The following SPAG16 variants were observed in gnomAD, a reference collection of about 807,000 sequenced individuals.
The protein encoded by SPAG16 is sperm associated antigen 16, also known as sperm-associated antigen 16 protein.
In SPAG16, 86 loss-of-function variants were observed where a neutral mutation model predicts 80.4. The ratio of observed to expected loss-of-function variants is 1.07; its 90% CI spans 0.90 to 1.28. SPAG16 has a LOEUF of 1.28. Among genes scored for constraint, SPAG16 ranks in the 50% most tolerant of loss-of-function variants. The pLI is 0.00. For synonymous variants in SPAG16, 294 were observed against 265.9 expected, an observed-to-expected ratio of 1.11 and a Z score of -1.03; for missense variants, 870 against 765.3, an observed-to-expected ratio of 1.14 and a Z score of -1.61.
At chr2:214,278,054 T>C (rs1576660963) in intron 15 of SPAG16, among the ~76,000 whole-genome samples, 1 of 152,068 alleles carries the variant, frequency 6.6e-6, no homozygotes, top group South Asian at 2.1e-4. Flanking sequence ...GCCTCGCAGG[T>C]CGCAGGTCAA....
intron 10 of SPAG16, among the ~76,000 whole-genome samples, chr2:213,628,214 C>T (rs1458559545): frequency 6.6e-6 from 1 of 152,184 alleles, no homozygotes; most frequent in Non-Finnish European, 1.5e-5. Flanking sequence ...AACTAGATTT[C>T]CAGCCTTTTC....
chr2:213,788,018 G>A (rs1375868185), intron 10 of SPAG16, among the ~76,000 whole-genome samples: 2 of 151,918 alleles, frequency 1.3e-5, no homozygotes, highest in Non-Finnish European at 2.9e-5. Context: ...GTTGTTGATA[G>A]GACAATTGGC....
chr2:214,199,101 A>G (rs11677145), intron 15 of SPAG16, among the ~76,000 whole-genome samples: 45,853 of 151,800 alleles, frequency 0.3, 8,610 homozygotes, highest in Non-Finnish European at 0.42. Context: ...AGGCTTTTTC[A>G]TTTAATTAGG....
chr2:213,647,772 C>A (rs1472766151), intron 10 of SPAG16, among the ~76,000 whole-genome samples: 1 of 152,182 alleles, frequency 6.6e-6, no homozygotes, highest in Non-Finnish European at 1.5e-5. Context: ...AAACCATGGA[C>A]CCTATATCAC....
At chr2:213,577,688 A>T (rs1315097692) in intron 10 of SPAG16, among the ~76,000 whole-genome samples, 1 of 152,122 alleles carries the variant, frequency 6.6e-6, no homozygotes, top group Non-Finnish European at 1.5e-5. Context: ...TTTACCAAGC[A>T]TACTTTATCT....
intron 11 of SPAG16, among the ~76,000 whole-genome samples, chr2:213,882,979 C>A (rs1245987612): frequency 6.6e-6 from 1 of 152,068 alleles, no homozygotes; most frequent in Non-Finnish European, 1.5e-5. Context: ...CCATTCTCCT[C>A]CTCAGCCTCC....
At chr2:213,793,542 G>A (rs1249848563) in intron 10 of SPAG16, among the ~76,000 whole-genome samples, 1 of 152,178 alleles carries the variant, frequency 6.6e-6, no homozygotes, top group African/African-American at 2.4e-5. Flanking sequence ...TTGTTTCTAT[G>A]TGACAACTTT....
chr2:214,068,019 A>G (rs1038734567), intron 13 of SPAG16, among the ~76,000 whole-genome samples: 1 of 152,176 alleles, frequency 6.6e-6, no homozygotes, highest in African/African-American at 2.4e-5. Flanking sequence ...CACTGCATCT[A>G]TATGGAAGCC....
chr2:213,768,926 G>T (rs1385734469), intron 10 of SPAG16, among the ~76,000 whole-genome samples: 3 of 152,126 alleles, frequency 2.0e-5, no homozygotes, highest in Non-Finnish European at 4.4e-5. Flanking sequence ...ATAACATAGA[G>T]AATCCATAAG....
At chr2:213,845,831 G>A (rs529416964) in intron 10 of SPAG16, among the ~76,000 whole-genome samples, 1 of 152,298 alleles carries the variant, frequency 6.6e-6, no homozygotes, top group South Asian at 2.1e-4. Context: ...ACTCAGATGT[G>A]TGGATCAGCT....
intron 12 of SPAG16, among the ~76,000 whole-genome samples, chr2:213,974,349 T>C (rs1032561754): frequency 6.6e-6 from 1 of 152,090 alleles, no homozygotes; most frequent in Non-Finnish European, 1.5e-5. Context: ...ATAAATGTGA[T>C]TATATTAAGA....
At chr2:213,930,239 C>A in intron 12 of SPAG16, 94 bp downstream of exon 12, 1 of 857,936 alleles carries the variant, frequency 1.2e-6, no homozygotes, top group Non-Finnish European at 1.7e-6. Flanking sequence ...TTGATGCTAC[C>A]CCAGGGAAAC....
intron 13 of SPAG16, among the ~76,000 whole-genome samples, chr2:214,031,545 T>C (rs1036637229): frequency 2.8e-5 from 4 of 141,630 alleles, no homozygotes; most frequent in African/African-American, 1.1e-4. Context: ...TGTATACATA[T>C]GTAACTAACC....
chr2:214,331,173 T>C (rs575956303), intron 15 of SPAG16, among the ~76,000 whole-genome samples: 13 of 152,248 alleles, frequency 8.5e-5, no homozygotes, highest in African/African-American at 2.6e-4. Flanking sequence ...GCATTGCTTG[T>C]TCATTTACTG....
chr2:214,023,205 T>G (rs1265666129), intron 13 of SPAG16, among the ~76,000 whole-genome samples: 1 of 151,910 alleles, frequency 6.6e-6, no homozygotes, highest in African/African-American at 2.4e-5. Flanking sequence ...CTTCTCTCAC[T>G]TCATTAAAAA....
intron 15 of SPAG16, among the ~76,000 whole-genome samples, chr2:214,163,083 A>G (rs2056511765): frequency 6.6e-6 from 1 of 152,024 alleles, no homozygotes; most frequent in Non-Finnish European, 1.5e-5. Context: ...AAAATCCTTA[A>G]CCACAAATGG....
At chr2:213,894,191 C>G (rs1013831009) in intron 11 of SPAG16, among the ~76,000 whole-genome samples, 1 of 152,044 alleles carries the variant, frequency 6.6e-6, no homozygotes, top group Admixed American at 6.6e-5. Context: ...CAAAAATTCT[C>G]AAGAAAATAT....
At chr2:214,142,576 C>T (rs1420889306) in intron 14 of SPAG16, among the ~76,000 whole-genome samples, 1 of 152,100 alleles carries the variant, frequency 6.6e-6, no homozygotes, top group East Asian at 1.9e-4. Flanking sequence ...CCCCAGGTCT[C>T]CCAGGCCCCT....
intron 13 of SPAG16, among the ~76,000 whole-genome samples, chr2:214,098,190 A>G (rs2125351635): frequency 6.6e-6 from 1 of 152,238 alleles, no homozygotes; most frequent in African/African-American, 2.4e-5. Context: ...TAAATAGTAT[A>G]AAATAATGTC....
Sources: allele counts gnomAD v4.1 joint callset (sites outside exome capture counted in the v4.1 genomes callset), GRCh38; gene constraint gnomAD v4.1.1; transcripts MANE v1.5; gene names NCBI Gene and HGNC (gene_info 2026-07-23, HGNC 2026-07-21).